HTR1F: variants seen among roughly 807,000 people sequenced by gnomAD.
The protein encoded by HTR1F is 5-hydroxytryptamine (serotonin) receptor 1F, G protein-coupled.
Under a neutral mutation model 24.0 loss-of-function variants are expected in HTR1F, and 17 were observed. The ratio of observed to expected loss-of-function variants is 0.71; its 90% CI spans 0.48 to 1.06. HTR1F has a LOEUF of 1.06. HTR1F is among the 50% of genes least tolerant of loss of function. HTR1F has a pLI of 0.00. For synonymous variants in HTR1F, 186 were observed against 156.8 expected (o/e 1.19, Z -1.39); for missense variants, 391 against 427.8 (o/e 0.91, Z 0.76).
At position 87,887,482 on chromosome 3, in the gene HTR1F, A is replaced by G. The variant is rs531867154; in HGVS notation, c.-43+65358A>G. 4.6e-3 allele frequency among the ~76,000 whole-genome samples: 695 copies of G among 152,288 alleles called. 5 individuals are homozygous for G. Among genetic ancestry groups the G allele is most frequent in the African/African-American group, 0.016 (648 of 41,554 alleles). On this transcript the variant is annotated intron_variant, in intron 2 of 2. Coordinates refer to ENST00000319595, the MANE Select transcript of HTR1F (RefSeq NM_001322209.2). ...AAGCCAAAATTGACAAATGGGATCT[A>G]ATTAAACTAAAGAGCTTCTGCACAG...
At chr3:87,983,427 T>C (rs1705595644) in intron 2 of HTR1F, among the ~76,000 whole-genome samples, 1 of 152,218 alleles carries the variant, frequency 6.6e-6, no homozygotes. Flanking sequence ...TACATTTTCA[T>C]ACTCCAGCCC....
intron 2 of HTR1F, among the ~76,000 whole-genome samples, chr3:87,928,261 G>T (rs578001416): frequency 6.6e-5 from 10 of 152,048 alleles, no homozygotes; most frequent in Admixed American, 1.3e-4. Flanking sequence ...GGCCAGGCTG[G>T]TCTCAAACTC....
At chr3:87,797,032 G>A (rs1703916736) in intron 1 of HTR1F, among the ~76,000 whole-genome samples, 1 of 152,062 alleles carries the variant, frequency 6.6e-6, no homozygotes, top group Admixed American at 6.6e-5. Context: ...TCAGTTACCG[G>A]CAGTCAACCG....
chr3:87,888,756 A>C (rs888211967), intron 2 of HTR1F, among the ~76,000 whole-genome samples: 31 of 152,214 alleles, frequency 2.0e-4, no homozygotes, highest in African/African-American at 7.0e-4. Context: ...GGGGAGCCTA[A>C]AAGTACCTAC....
intron 2 of HTR1F, among the ~76,000 whole-genome samples, chr3:87,839,439 T>G (rs1291020330): frequency 6.6e-6 from 1 of 152,160 alleles, no homozygotes; most frequent in East Asian, 1.9e-4. Flanking sequence ...GCCAGTACCA[T>G]GCTGTTTTGA....
At chr3:87,984,950 G>T (rs1705630570) in intron 2 of HTR1F, among the ~76,000 whole-genome samples, 1 of 152,114 alleles carries the variant, frequency 6.6e-6, no homozygotes, top group Non-Finnish European at 1.5e-5. Context: ...TGTAGACCTG[G>T]TTGCTACCTT....
chr3:87,982,095 G>C (rs1188968019), intron 2 of HTR1F, among the ~76,000 whole-genome samples: 1 of 152,028 alleles, frequency 6.6e-6, no homozygotes, highest in Admixed American at 6.5e-5. Context: ...GCTAATTTTT[G>C]TATTTTTAAT....
intron 2 of HTR1F, among the ~76,000 whole-genome samples, chr3:87,875,750 C>T (rs536109687): frequency 1.8e-4 from 27 of 151,708 alleles, no homozygotes; most frequent in African/African-American, 6.3e-4. Context: ...CGGTGAAACC[C>T]CATCTCTACT....
intron 1 of HTR1F, among the ~76,000 whole-genome samples, chr3:87,795,119 C>T (rs2107049172): frequency 6.6e-6 from 1 of 150,484 alleles, no homozygotes; most frequent in Middle Eastern, 3.4e-3. Context: ...TCCTGAGTAG[C>T]TGGGATTGCA....
chr3:87,989,928 T>G (rs1705781273), intron 2 of HTR1F, among the ~76,000 whole-genome samples: 1 of 152,184 alleles, frequency 6.6e-6, no homozygotes, highest in South Asian at 2.1e-4. Context: ...CATGTAAGTG[T>G]GCATTCATCT....
At chr3:87,972,878 TAA>T (rs1333725776) in intron 2 of HTR1F, among the ~76,000 whole-genome samples, 1 of 6,966 alleles carries the variant, frequency 1.4e-4, no homozygotes, top group Non-Finnish European at 1.5e-3. Flanking sequence ...AGCTGCTTAA[TAA>T]TAATACCTGG....
chr3:87,808,900 T>C (rs1289106216), intron 1 of HTR1F, among the ~76,000 whole-genome samples: 3 of 151,738 alleles, frequency 2.0e-5, no homozygotes, highest in Non-Finnish European at 4.4e-5. Context: ...GTTTAATTTG[T>C]ATAGTTTACA....
intron 2 of HTR1F, among the ~76,000 whole-genome samples, chr3:87,824,547 T>TA (rs1704424442): frequency 1.3e-5 from 2 of 152,344 alleles, no homozygotes; most frequent in African/African-American, 4.8e-5. Context: ...TATAGTGGAC[T>TA]GGAATAGTGC....
chr3:87,816,734 C>T (rs1704257503), intron 1 of HTR1F, among the ~76,000 whole-genome samples: 2 of 151,972 alleles, frequency 1.3e-5, no homozygotes, highest in African/African-American at 2.4e-5. Flanking sequence ...ATAGAACATG[C>T]CTTTAATCCT....
intron 2 of HTR1F, among the ~76,000 whole-genome samples, chr3:87,980,961 G>A (rs978216709): frequency 1.3e-5 from 2 of 152,154 alleles, no homozygotes; most frequent in African/African-American, 2.4e-5. Context: ...GAATGTCCAG[G>A]TCCACAGCTG....
At chr3:87,834,436 C>CT (rs199592068) in intron 2 of HTR1F, among the ~76,000 whole-genome samples, 115 of 146,744 alleles carry the variant, frequency 7.8e-4, no homozygotes, top group Admixed American at 2.7e-3. Flanking sequence ...AGACTTAGTT[C>CT]TTTTTTTTTT....
chr3:87,860,245 C>G (rs1282408015), intron 2 of HTR1F, among the ~76,000 whole-genome samples: 2 of 152,162 alleles, frequency 1.3e-5, no homozygotes, highest in African/African-American at 2.4e-5. Context: ...AAAATCAACT[C>G]TCTTTTCTAG....
chr3:87,820,037 G>C (rs1704325081), intron 1 of HTR1F, among the ~76,000 whole-genome samples: 1 of 148,854 alleles, frequency 6.7e-6, no homozygotes, highest in South Asian at 2.2e-4. Flanking sequence ...ATTTCTTTTG[G>C]AGAAATAGAA....
At chr3:87,912,790 C>A (rs1342540459) in intron 2 of HTR1F, among the ~76,000 whole-genome samples, 7 of 152,000 alleles carry the variant, frequency 4.6e-5, no homozygotes, top group African/African-American at 1.7e-4. Flanking sequence ...GGCTCCACAC[C>A]TACAATCATC....
Sources: allele counts gnomAD v4.1 joint callset (sites outside exome capture counted in the v4.1 genomes callset), GRCh38; gene constraint gnomAD v4.1.1; transcripts MANE v1.5; gene names NCBI Gene and HGNC (gene_info 2026-07-23, HGNC 2026-07-21).